KIF13B: variants seen among roughly 807,000 people sequenced by gnomAD.
KIF13B encodes the protein kinesin family member 13B.
In KIF13B, 127 loss-of-function variants were observed where a neutral mutation model predicts 222.0. The ratio of observed to expected loss-of-function variants is 0.57; its 90% CI spans 0.50 to 0.66. The LOEUF (loss-of-function observed/expected upper bound fraction) is 0.66, where lower values mean the gene tolerates loss of function less well. KIF13B is among the 30% of genes least tolerant of loss of function. KIF13B has a pLI of 0.00. For synonymous variants in KIF13B, 976 were observed against 919.0 expected, an observed-to-expected ratio of 1.06 and a Z score of -1.12; for missense variants, 2,173 against 2,379.0, an observed-to-expected ratio of 0.91 and a Z score of 1.80.
At chr8:29,156,449 A>G (rs1422115966) in intron 13 of KIF13B, among the ~76,000 whole-genome samples, 1 of 152,076 alleles carries the variant, frequency 6.6e-6, no homozygotes, top group Non-Finnish European at 1.5e-5. Flanking sequence ...CTAGAGCTAC[A>G]TACTTTAGTT....
chr8:29,240,664 T>C (rs1815735193), intron 2 of KIF13B, among the ~76,000 whole-genome samples: 1 of 151,984 alleles, frequency 6.6e-6, no homozygotes, highest in Non-Finnish European at 1.5e-5. Context: ...GAACGCGGGG[T>C]TCTAAATCAG....
intron 1 of KIF13B, among the ~76,000 whole-genome samples, chr8:29,257,601 A>G (rs767691139): frequency 3.4e-4 from 52 of 152,202 alleles, no homozygotes; most frequent in Non-Finnish European, 6.0e-4. Context: ...TCTTGAAAAG[A>G]GGTCTGGCCA....
intron 7 of KIF13B, among the ~76,000 whole-genome samples, chr8:29,180,779 C>T (rs1290010336): frequency 6.6e-6 from 1 of 151,372 alleles, no homozygotes; most frequent in African/African-American, 2.4e-5. Flanking sequence ...AAAAGAGAAA[C>T]AACAAAATAC....
At chr8:29,131,588 C>T (rs1320214538) in intron 23 of KIF13B, among the ~76,000 whole-genome samples, 2 of 152,166 alleles carry the variant, frequency 1.3e-5, no homozygotes, top group Non-Finnish European at 2.9e-5. Flanking sequence ...CAGTCAATCC[C>T]TTTTAATGCT....
chr8:29,248,701 T>G (rs962320399), intron 1 of KIF13B, among the ~76,000 whole-genome samples: 8 of 152,066 alleles, frequency 5.3e-5, no homozygotes, highest in African/African-American at 1.9e-4. Context: ...GGGATTTGGG[T>G]GGGGACACAG....
At chr8:29,210,076 GA>G (rs1814149636) in intron 2 of KIF13B, among the ~76,000 whole-genome samples, 1 of 151,196 alleles carries the variant, frequency 6.6e-6, no homozygotes, top group African/African-American at 2.4e-5. Context: ...AAAAAAAAAG[GA>G]TCCTTGATCC....
chr8:29,212,412 G>C (rs10097869), intron 2 of KIF13B, among the ~76,000 whole-genome samples: 1,549 of 152,202 alleles, frequency 0.01, 29 homozygotes, highest in African/African-American at 0.035. Context: ...GGAGCACAGG[G>C]GCCTCTCACT....
intron 2 of KIF13B, among the ~76,000 whole-genome samples, chr8:29,227,872 AC>A (rs1183724070): frequency 1.3e-5 from 2 of 151,810 alleles, no homozygotes; most frequent in African/African-American, 2.4e-5. Flanking sequence ...GATCACTTGA[AC>A]CCAGGAGTTC....
intron 2 of KIF13B, among the ~76,000 whole-genome samples, chr8:29,214,792 G>A (rs908370133): frequency 2.6e-5 from 4 of 152,160 alleles, no homozygotes; most frequent in Non-Finnish European, 4.4e-5. Context: ...AAATGCATCA[G>A]TAATGCATAG....
Position 29,155,812 on chromosome 8 carries a change from C to A in KIF13B, c.1449G>T (p.Leu483=). ...IGSANSQDIQ[L]CGMGILPEHC... is the part of the protein sequence containing the mutation. ...GTTCAGGAAGAATTCCCATGCCGCA[C>A]AGTTGGATATCTTGGGAATTTGCTG... Residue 483 remains leucine, a synonymous_variant, in exon 14 of 40, where the codon CTG becomes CTT. Transcript: ENST00000524189. The A allele has an allele frequency of 6.3e-7, 1 of 1,590,744 alleles. No homozygotes were observed. Among genetic ancestry groups the A allele is most frequent in the Non-Finnish European group, 8.6e-7 (1 of 1,167,154 alleles).
At chr8:29,170,328 G>A (rs922664946) in intron 10 of KIF13B, among the ~76,000 whole-genome samples, 8 of 152,174 alleles carry the variant, frequency 5.3e-5, no homozygotes, top group African/African-American at 1.9e-4. Context: ...CCAGGAAAAC[G>A]ACAGACTTTT....
At chr8:29,122,051 G>A (rs1235414390) in intron 29 of KIF13B, among the ~76,000 whole-genome samples, 4 of 151,934 alleles carry the variant, frequency 2.6e-5, no homozygotes, top group African/African-American at 4.8e-5. Flanking sequence ...TCAGGAGATC[G>A]AGACCATCCT....
chr8:29,146,253 G>A (rs1428965197), intron 18 of KIF13B, 125 bp downstream of exon 18: 8 of 921,148 alleles, frequency 8.7e-6, no homozygotes, highest in Non-Finnish European at 1.4e-5. Flanking sequence ...CCAAAAGCAT[G>A]GAGGACAAAG....
chr8:29,190,618 C>T (rs924980975), intron 4 of KIF13B: 9 of 201,838 alleles, frequency 4.5e-5, no homozygotes, highest in Non-Finnish European at 7.0e-5. Flanking sequence ...TTAATCAAAC[C>T]CAAAGAGGAG....
At chr8:29,213,555 A>G (rs1483805951) in intron 2 of KIF13B, among the ~76,000 whole-genome samples, 1 of 152,208 alleles carries the variant, frequency 6.6e-6, no homozygotes, top group African/African-American at 2.4e-5. Flanking sequence ...CCTACTATGC[A>G]CACAGGCTGT....
At chr8:29,228,472 A>AAAAAAAAAAAAATGTATAT in intron 2 of KIF13B, among the ~76,000 whole-genome samples, 1 of 117,086 alleles carries the variant, frequency 8.5e-6, no homozygotes, top group African/African-American at 3.3e-5. Flanking sequence ...ATCTTAAAAA[A>AAAAAAAAAAAAATGTATAT]ATATATATAT....
chr8:29,194,497 G>A (rs765423875), intron 3 of KIF13B, among the ~76,000 whole-genome samples: 57 of 152,174 alleles, frequency 3.7e-4, no homozygotes, highest in Non-Finnish European at 1.5e-4. Flanking sequence ...CCAGCCCACA[G>A]TCTGGCTCTA....
At chr8:29,249,414 A>G (rs1473698740) in intron 1 of KIF13B, among the ~76,000 whole-genome samples, 1 of 148,368 alleles carries the variant, frequency 6.7e-6, no homozygotes, top group Non-Finnish European at 1.5e-5. Flanking sequence ...TGGGCGACAG[A>G]GCAAGACTCC....
chr8:29,105,260 C>G (rs111426927), intron 35 of KIF13B, among the ~76,000 whole-genome samples: 2 of 152,128 alleles, frequency 1.3e-5, no homozygotes, highest in Non-Finnish European at 2.9e-5. Flanking sequence ...CATGAGCCAC[C>G]GCGCCCGGCC....
Sources: allele counts gnomAD v4.1 joint callset (sites outside exome capture counted in the v4.1 genomes callset), GRCh38; gene constraint gnomAD v4.1.1; transcripts MANE v1.5; gene names NCBI Gene and HGNC (gene_info 2026-07-23, HGNC 2026-07-21).